The following ADCY10 variants were observed in gnomAD, a reference collection of about 807,000 sequenced individuals.
ADCY10 encodes the protein adenylate cyclase type 10.
Under a neutral mutation model 183.3 loss-of-function variants are expected in ADCY10, and 156 were observed. The observed-to-expected ratio is 0.85, with a 90% CI of 0.75 to 0.97. The LOEUF is 0.97. Ranked by LOEUF, ADCY10 falls within the 50% of genes least tolerant of loss-of-function variation. The probability of loss-of-function intolerance (pLI) is 0.00; values close to 1 mark genes in which losing one functional copy is unlikely to be tolerated. For synonymous variants in ADCY10, 645 were observed against 670.0 expected, an observed-to-expected ratio of 0.96 and a Z score of 0.58; for missense variants, 1,745 against 1,934.3, an observed-to-expected ratio of 0.90 and a Z score of 1.84.
chr1:167,857,906 C>A (rs2102032035), intron 16 of ADCY10, among the ~76,000 whole-genome samples: 1 of 152,268 alleles, frequency 6.6e-6, no homozygotes, highest in Middle Eastern at 3.4e-3. Context: ...CAAAAGCAAA[C>A]AACTAAACAG....
At chr1:167,912,386 C>G (rs1670205865) in intron 1 of ADCY10, among the ~76,000 whole-genome samples, 1 of 152,196 alleles carries the variant, frequency 6.6e-6, no homozygotes, top group African/African-American at 2.4e-5. Context: ...TCCCTTGCCC[C>G]ACATGTTCCT....
At chr1:167,911,459 T>C (rs1002465186) in intron 1 of ADCY10, among the ~76,000 whole-genome samples, 32 of 152,278 alleles carry the variant, frequency 2.1e-4, no homozygotes, top group African/African-American at 7.0e-4. Flanking sequence ...CTCTTCCTTA[T>C]TTAAAAGTAT....
At chr1:167,810,656 C>A in intron 32 of ADCY10, 69 bp downstream of exon 32, 2 of 1,463,962 alleles carry the variant, frequency 1.4e-6, no homozygotes, top group South Asian at 2.3e-5. Context: ...CCTAACCAGG[C>A]AGTAGGCTTC....
In ADCY10 at chr1:167,832,888, C is replaced by G. The variant is rs542613675; in HGVS notation, c.3593+99G>C. 456 of 1,282,412 alleles carry G rather than the reference C, an allele frequency of 3.6e-4. 5 individuals carry two copies. The South Asian group carries it at 4.6e-3, about 13-fold the overall frequency. The allele number at this position is 1,282,412 out of a possible 1,614,324, so 79.4% of individuals were successfully genotyped here. On this transcript the variant is annotated intron_variant, in intron 25 of 32. Transcript: ENST00000367851. The stretch of plus-strand genomic sequence containing the variant: ...TCAGAGCCAAACAGGAGTCCTTGTG[C>G]CCCCTGGAGGCCAGGCTTTGGGGGC...
At chr1:167,831,203 T>A (rs541962873) in intron 25 of ADCY10, among the ~76,000 whole-genome samples, 1 of 152,216 alleles carries the variant, frequency 6.6e-6, no homozygotes, top group East Asian at 1.9e-4. Flanking sequence ...CTCTCTTTTT[T>A]TTTTGAGACG....
rs111477199 is a variant in ADCY10, at chr1:167,820,178, G to A, written c.4286+1846C>T. The A allele has an allele frequency of 4.4e-3, 6,726 of 1,538,248 alleles. 77 individuals carry two copies. Among genetic ancestry groups the A allele is most frequent in the African/African-American group, 0.034 (2,469 of 72,066 alleles). On this transcript the variant is annotated intron_variant, in intron 30 of 32. Coordinates refer to ENST00000367851, the MANE Select transcript of ADCY10 (RefSeq NM_018417.6). ...CTGCCCCGCAGATTCCCCGAATGCC[G>A]CGGCGGCCGCAGCTCCCGAGGCTGC...
At chr1:167,881,873 G>A (rs1443019939) in intron 9 of ADCY10, among the ~76,000 whole-genome samples, 2 of 152,192 alleles carry the variant, frequency 1.3e-5, no homozygotes, top group African/African-American at 4.8e-5. Flanking sequence ...TATTGAAGAA[G>A]GTACTGGAGA....
chr1:167,888,872 T>A (rs1668412093), intron 8 of ADCY10, among the ~76,000 whole-genome samples: 1 of 81,784 alleles, frequency 1.2e-5, no homozygotes, highest in Admixed American at 1.5e-4. Context: ...GGAGACTCCG[T>A]CTCAAAAAAA....
At chr1:167,822,927 C>T (rs1272934155) in intron 29 of ADCY10, 81 bp downstream of exon 29, 2 of 1,255,916 alleles carry the variant, frequency 1.6e-6, no homozygotes, top group African/African-American at 1.5e-5. Context: ...GGTCCCAAAG[C>T]CCCAACCTGA....
chr1:167,901,356 A>C (rs1261220575), intron 5 of ADCY10, among the ~76,000 whole-genome samples: 4 of 152,162 alleles, frequency 2.6e-5, no homozygotes, highest in Admixed American at 2.6e-4. Context: ...GCAAGATGGA[A>C]TAATAATAAC....
chr1:167,901,750 GAT>G lies in ADCY10; in HGVS notation c.346_347del (p.Ile116HisfsTer5). On this transcript the variant is annotated frameshift_variant, in exon 5 of 33. Coordinates refer to ENST00000367851, the MANE Select transcript of ADCY10 (RefSeq NM_018417.6). LOFTEE classifies it high-confidence loss of function. ...CCAGGCTACATTTAATTACCACTGT[GAT>G]AATGTTTTTCAGCTGCTTTCGCTCC... The part of the protein sequence containing the change: ...RVERKQLKNI[I>X]TVVIKCSLEI... 6.2e-7 allele frequency: 1 copy of G among 1,614,188 alleles called. No individual in the cohort carries two copies. Among genetic ancestry groups the G allele is most frequent in the Non-Finnish European group, 8.5e-7 (1 of 1,180,032 alleles).
At position 167,899,475 on chromosome 1, in the gene ADCY10, C is replaced by G. The variant is rs1669237961; in HGVS notation, c.590G>C (p.Cys197Ser). Reference sequence around the variant, plus strand: ...CTCAATTTCAATCATGCTCCGGTCACAGAGCTGCCAGCAGTTTGGTGACAG... The same window carrying G: ...CTCAATTTCAATCATGCTCCGGTCAGAGAGCTGCCAGCAGTTTGGTGACAG... Reference protein sequence around the residue: ...VILSPNCWQLCDRSMIEIESV... With the variant: ...VILSPNCWQLSDRSMIEIESV... The change falls in exon 6 of 33, where the codon TGT (cysteine) becomes TCT (serine). Residue 197 changes from cysteine to serine, a missense_variant. Cys to Ser is a moderately radical substitution (Grantham distance 112). Coordinates refer to ENST00000367851, the MANE Select transcript of ADCY10 (RefSeq NM_018417.6). 1.2e-6 allele frequency: 2 copies of G among 1,614,118 alleles called. No individual in the cohort carries two copies. Among genetic ancestry groups the G allele is most frequent in the African/African-American group, 2.7e-5 (2 of 74,938 alleles).
At chr1:167,817,224 GC>G (rs1194487966) in intron 31 of ADCY10, among the ~76,000 whole-genome samples, 1 of 152,180 alleles carries the variant, frequency 6.6e-6, no homozygotes, top group African/African-American at 2.4e-5. Context: ...AATTAGCCAG[GC>G]ATGGTGGCAC....
intron 14 of ADCY10, among the ~76,000 whole-genome samples, chr1:167,869,987 G>T (rs946677076): frequency 1.3e-5 from 2 of 152,072 alleles, no homozygotes; most frequent in African/African-American, 4.8e-5. Flanking sequence ...AATTGTTCTC[G>T]ATCTGTCTGA....
chr1:167,818,584 C>A (rs1558144566), intron 30 of ADCY10, among the ~76,000 whole-genome samples: 1 of 152,196 alleles, frequency 6.6e-6, no homozygotes, highest in Non-Finnish European at 1.5e-5. Context: ...GTCCCCCAGT[C>A]TGGAGTGCAA....
At chr1:167,880,848 C>T (rs1011836284) in intron 9 of ADCY10, among the ~76,000 whole-genome samples, 1 of 152,180 alleles carries the variant, frequency 6.6e-6, no homozygotes, top group Non-Finnish European at 1.5e-5. Context: ...TAGGGCTGAG[C>T]TATCTGTGTG....
intron 3 of ADCY10, among the ~76,000 whole-genome samples, chr1:167,903,315 G>C (rs1363671458): frequency 6.6e-6 from 1 of 151,246 alleles, no homozygotes; most frequent in African/African-American, 2.4e-5. Flanking sequence ...TGTAATCCCA[G>C]CACTTTGGGG....
At chr1:167,850,272 T>C (rs868169338) in intron 18 of ADCY10, among the ~76,000 whole-genome samples, 9 of 152,034 alleles carry the variant, frequency 5.9e-5, no homozygotes, top group South Asian at 2.1e-4. Flanking sequence ...AAGACAGTGA[T>C]AGAAGTGACA....
In ADCY10 at chr1:167,833,995, G is replaced by A; in HGVS notation, c.3392C>T (p.Ala1131Val). The change falls in exon 24 of 33, where the codon GCC becomes GTC. Residue 1131 changes from alanine to valine, a missense_variant. Coordinates refer to ENST00000367851, the MANE Select transcript of ADCY10 (RefSeq NM_018417.6). ...CTCACCTTTGAGGCTGTAAAAGGTG[G>A]CAGACTCAAATGTCTGGCTCCAAGA... ...DKSWSQTFESATFYSLKGEVC... is the reference protein window; with the variant it reads ...DKSWSQTFESVTFYSLKGEVC... 6.2e-7 allele frequency: 1 copy of A among 1,613,984 alleles called. No homozygotes were observed. The highest frequency in any genetic ancestry group is 8.5e-7 in the Non-Finnish European group (1 of 1,179,894).
Sources: gnomAD v4.1 joint callset for allele counts (sites outside exome capture counted in the v4.1 genomes callset) on GRCh38, gnomAD v4.1.1 for gene constraint, MANE v1.5 for transcripts, NCBI Gene and HGNC (gene_info 2026-07-23, HGNC 2026-07-21) for gene names.